MAP7D2: variants seen among roughly 807,000 people sequenced by gnomAD.
MAP7D2 encodes the protein MAP7 domain-containing protein 2.
A neutral mutation model predicts 63.5 loss-of-function variants in MAP7D2; 33 were observed. The ratio of observed to expected loss-of-function variants is 0.52; its 90% CI spans 0.39 to 0.70. The LOEUF is 0.70. MAP7D2 is among the 30% of genes least tolerant of loss of function. MAP7D2 has a pLI of 0.00. For missense variants in MAP7D2, 626 were observed against 604.0 expected (o/e 1.04, Z -0.38); for synonymous variants, 224 against 223.7 (o/e 1.00, Z -0.01).
intron 1 of MAP7D2, among the ~76,000 whole-genome samples, chrX:20,072,649 T>A (rs1295107963): frequency 9.0e-6 from 1 of 111,650 alleles, no homozygotes; most frequent in African/African-American, 3.3e-5. Context: ...TTCCCCCACC[T>A]AGTCCACTCA....
chrX:20,054,755 T>C (rs2065031508), intron 4 of MAP7D2, among the ~76,000 whole-genome samples: 1 of 111,373 alleles, frequency 9.0e-6, no homozygotes, highest in African/African-American at 3.3e-5. Context: ...CTAATTTTTG[T>C]ATTTTTAGTA....
At chrX:20,095,289 G>A (rs1167310124) in intron 1 of MAP7D2, among the ~76,000 whole-genome samples, 2 of 111,414 alleles carry the variant, frequency 1.8e-5, no homozygotes, top group African/African-American at 6.5e-5. Flanking sequence ...CTGTAATCAC[G>A]GCACTTTGGG....
intron 1 of MAP7D2, among the ~76,000 whole-genome samples, chrX:20,094,639 C>T (rs2148505956): frequency 1.1e-5 from 1 of 88,487 alleles, no homozygotes; most frequent in South Asian, 6.5e-4. Context: ...TGCAGTGGCA[C>T]GATCTTGGCT....
chrX:20,100,519 T>C (rs2066400285), intron 1 of MAP7D2, among the ~76,000 whole-genome samples: 1 of 106,689 alleles, frequency 9.4e-6, no homozygotes, highest in Non-Finnish European at 1.9e-5. Context: ...GCTCTTGAGA[T>C]GGGGAGATTA....
chrX:20,041,974 C>T (rs1321791255), intron 8 of MAP7D2, among the ~76,000 whole-genome samples: 2 of 111,054 alleles, frequency 1.8e-5, no homozygotes, highest in East Asian at 2.8e-4. Context: ...GAGGCTATAG[C>T]GTGCTGTGAT....
At chrX:20,068,755 T>G (rs1294724523) in intron 1 of MAP7D2, among the ~76,000 whole-genome samples, 3 of 112,060 alleles carry the variant, frequency 2.7e-5, no homozygotes, top group Non-Finnish European at 3.8e-5. Context: ...ATGGTTTGGC[T>G]CTGTGTCCCC....
chrX:20,088,404 A>ACTGGCT (rs2065971147), intron 1 of MAP7D2, among the ~76,000 whole-genome samples: 1 of 95,849 alleles, frequency 1.0e-5, no homozygotes, highest in Non-Finnish European at 2.1e-5. Context: ...AAGGGATCCT[A>ACTGGCT]CTGGCTCAGC....
chrX:20,078,682 T>C (rs747085016), intron 1 of MAP7D2, among the ~76,000 whole-genome samples: 6 of 112,500 alleles, frequency 5.3e-5, no homozygotes, highest in East Asian at 5.6e-4. Context: ...GCAAAGCTCT[T>C]AGAACATATT....
Position 20,058,953 on chromosome X carries a change from A to T in MAP7D2, c.373-2162T>A, listed in dbSNP as rs191337148. ...TATGACGAAACAGAAAGGATCTCAGATTTGGAATCAGGAGGTAAGGATTCA... is the reference window on the plus strand; with the variant it reads ...TATGACGAAACAGAAAGGATCTCAGTTTTGGAATCAGGAGGTAAGGATTCA... On this transcript the variant is annotated intron_variant, in intron 3 of 16. Coordinates refer to ENST00000379643, the MANE Select transcript of MAP7D2 (RefSeq NM_001168465.2). 6.1e-3 allele frequency among the ~76,000 whole-genome samples: 687 copies of T among 111,781 alleles called. 2 individuals are homozygous for T. Among genetic ancestry groups the T allele is most frequent in the South Asian group, 0.03 (81 of 2,668 alleles).
At chrX:20,018,440 CTTTTTTTTTTT>C (rs757792186) in intron 10 of MAP7D2, among the ~76,000 whole-genome samples, 1 of 77,419 alleles carries the variant, frequency 1.3e-5, no homozygotes, top group Non-Finnish European at 2.3e-5. Flanking sequence ...AAATCTTGTC[CTTTTTTTTTTT>C]TTTTTTTTTG....
intron 3 of MAP7D2, among the ~76,000 whole-genome samples, chrX:20,059,550 C>T (rs1603379892): frequency 9.5e-6 from 1 of 105,545 alleles, no homozygotes; most frequent in African/African-American, 3.6e-5. Flanking sequence ...AATCCTCGTC[C>T]CTAGAATCTC....
At chrX:20,039,882 C>T (rs1884613057) in intron 8 of MAP7D2, among the ~76,000 whole-genome samples, 1 of 108,816 alleles carries the variant, frequency 9.2e-6, no homozygotes, top group Non-Finnish European at 1.9e-5. Context: ...GCCTGTAATC[C>T]CAGCTACTCG....
At chrX:20,065,208 C>G (rs1363157543) in intron 1 of MAP7D2, among the ~76,000 whole-genome samples, 3 of 110,392 alleles carry the variant, frequency 2.7e-5, no homozygotes, top group Non-Finnish European at 5.7e-5. Flanking sequence ...AGAGGAGAAG[C>G]ACAAAAATGG....
intron 8 of MAP7D2, among the ~76,000 whole-genome samples, chrX:20,039,688 T>A (rs1426129284): frequency 9.0e-6 from 1 of 110,865 alleles, no homozygotes; most frequent in African/African-American, 3.3e-5. Flanking sequence ...GTGGGTACCA[T>A]CTAATCAGCT....
At chrX:20,096,081 CAAAAAAAAAAAAAA>C (rs1208579984) in intron 1 of MAP7D2, among the ~76,000 whole-genome samples, 4 of 14,902 alleles carry the variant, frequency 2.7e-4, no homozygotes, top group African/African-American at 1.1e-3. Flanking sequence ...GACTCTTCCT[CAAAAAAAAAAAAAA>C]AAAAAAAAAA....
intron 1 of MAP7D2, among the ~76,000 whole-genome samples, chrX:20,090,393 C>CAA (rs1292662063): frequency 2.2e-4 from 21 of 96,235 alleles, no homozygotes; most frequent in African/African-American, 6.3e-4. Flanking sequence ...AAAATGTGAA[C>CAA]AAACACTTCA....
intron 1 of MAP7D2, among the ~76,000 whole-genome samples, chrX:20,081,942 G>A (rs1051855991): frequency 3.6e-5 from 4 of 111,639 alleles, no homozygotes; most frequent in East Asian, 2.8e-4. Context: ...AACCCACCGC[G>A]CCCGGCCCAG....
In MAP7D2 at chrX:20,058,147, G is replaced by A. The variant is rs12392486; in HGVS notation, c.373-1356C>T. On this transcript the variant is annotated intron_variant, in intron 3 of 16. Coordinates refer to ENST00000379643, the MANE Select transcript of MAP7D2 (RefSeq NM_001168465.2). ...AGACTCTACAATCGTGAGTATGCAT[G>A]CCTTGGCAGAGTCCAGTCCTCACGA... Among the ~76,000 whole-genome samples the A allele has an allele frequency of 4.3e-3, 486 of 112,503 alleles. 4 individuals are homozygous for A. The highest frequency in any genetic ancestry group is 0.015 in the African/African-American group (468 of 30,993).
intron 4 of MAP7D2, among the ~76,000 whole-genome samples, chrX:20,053,936 C>T (rs921482895): frequency 8.1e-5 from 9 of 111,494 alleles, no homozygotes; most frequent in Non-Finnish European, 1.5e-4. Flanking sequence ...CTCCGCCTCC[C>T]GGGTTCAAGT....
Sources: allele counts gnomAD v4.1 joint callset (sites outside exome capture counted in the v4.1 genomes callset), GRCh38; gene constraint gnomAD v4.1.1; transcripts MANE v1.5; gene names NCBI Gene and HGNC (gene_info 2026-07-23, HGNC 2026-07-21).